The following AGAP1 variants were observed in gnomAD, a reference collection of about 807,000 sequenced individuals.
AGAP1 encodes ArfGAP with GTPase domain, ankyrin repeat and PH domain 1.
A neutral mutation model predicts 105.3 loss-of-function variants in AGAP1; 29 were observed. The ratio of observed to expected loss-of-function variants is 0.28; its 90% CI spans 0.21 to 0.38. AGAP1 has a LOEUF of 0.38. Ranked by LOEUF, AGAP1 falls within the 10% of genes least tolerant of loss-of-function variation. AGAP1 has a pLI of 1.00. For synonymous variants in AGAP1, 509 were observed against 485.9 expected (o/e 1.05, Z -0.63); for missense variants, 998 against 1,165.1 (o/e 0.86, Z 2.09).
At chr2:235,698,000 T>C (rs1950074567) in intron 1 of AGAP1, among the ~76,000 whole-genome samples, 1 of 152,182 alleles carries the variant, frequency 6.6e-6, no homozygotes, top group African/African-American at 2.4e-5. Context: ...CCAAGCTTTT[T>C]TGGCACCAGT....
chr2:235,794,168 G>A (rs1957131246), intron 6 of AGAP1, among the ~76,000 whole-genome samples: 1 of 152,068 alleles, frequency 6.6e-6, no homozygotes. Context: ...TTTATACAAT[G>A]TACACACACA....
At chr2:235,730,818 T>C (rs1370287260) in intron 3 of AGAP1, among the ~76,000 whole-genome samples, 1 of 152,166 alleles carries the variant, frequency 6.6e-6, no homozygotes, top group Non-Finnish European at 1.5e-5. Flanking sequence ...AGATTTTCAA[T>C]CAATAGTTTA....
At chr2:235,669,023 T>C (rs1948226205) in intron 1 of AGAP1, among the ~76,000 whole-genome samples, 1 of 152,152 alleles carries the variant, frequency 6.6e-6, no homozygotes, top group African/African-American at 2.4e-5. Flanking sequence ...AAAATAACCC[T>C]ACAAGATTAT....
At chr2:235,685,780 T>C (rs528481686) in intron 1 of AGAP1, among the ~76,000 whole-genome samples, 28 of 152,236 alleles carry the variant, frequency 1.8e-4, no homozygotes, top group African/African-American at 6.7e-4. Flanking sequence ...AAGTTTACTT[T>C]GCCAAGGTTG....
chr2:235,679,243 A>C (rs1948930274), intron 1 of AGAP1, among the ~76,000 whole-genome samples: 1 of 152,190 alleles, frequency 6.6e-6, no homozygotes, highest in South Asian at 2.1e-4. Flanking sequence ...CAGATATGTC[A>C]CTGTGCAGCC....
chr2:235,963,522 G>T lies in AGAP1; in HGVS notation c.1484-4940G>T, dbSNP rs1057474063. On this transcript the variant is annotated intron_variant, in intron 12 of 17. Transcript: ENST00000304032. The surrounding 1 kb of genome is among the most constrained non-coding windows in gnomAD (Gnocchi z 5.1). The stretch of plus-strand genomic sequence containing the variant: ...GTTGTCAAAAATACGTGTGAGTTGG[G>T]TACCATATAGCCCTCAGCAGAGTAT... 6.6e-6 allele frequency among the ~76,000 whole-genome samples: 1 copy of T among 152,174 alleles called. No individual in the cohort carries two copies. The highest frequency in any genetic ancestry group is 3.2e-3 in the Middle Eastern group (1 of 316).
At position 235,612,205 on chromosome 2, in the gene AGAP1, C is replaced by G. The variant is rs1463774493; in HGVS notation, c.164-96974C>G. ...AGGTAACCTGCTGCTTGGGTGTACG[C>G]TGGGCGGGTTCGCAGTGCTGGAAGA... is the stretch of plus-strand genomic sequence containing the variant. On this transcript the variant is annotated intron_variant, in intron 1 of 17. Coordinates refer to ENST00000304032, the MANE Select transcript of AGAP1 (RefSeq NM_001037131.3). This position sits in a 1 kb window ranked among gnomAD's most constrained non-coding sequence, Gnocchi z 4.3. Among the ~76,000 whole-genome samples the G allele has an allele frequency of 6.6e-6, 1 of 152,120 alleles. No homozygotes were observed. Among genetic ancestry groups the G allele is most frequent in the Non-Finnish European group, 1.5e-5 (1 of 68,040 alleles).
At chr2:235,806,183 A>G (rs912850196) in intron 8 of AGAP1, among the ~76,000 whole-genome samples, 25 of 152,162 alleles carry the variant, frequency 1.6e-4, no homozygotes, top group Admixed American at 1.5e-3. Flanking sequence ...TTAGCTTTTC[A>G]TTGTAGCAGT....
At chr2:235,604,548 G>A (rs1375858901) in intron 1 of AGAP1, among the ~76,000 whole-genome samples, 4 of 139,982 alleles carry the variant, frequency 2.9e-5, no homozygotes, top group South Asian at 2.3e-4. Flanking sequence ...TTGCACATTC[G>A]TGTTTCTTTT....
chr2:235,906,696 G>T lies in AGAP1; in HGVS notation c.1156-2042G>T, dbSNP rs560279343. Among the ~76,000 whole-genome samples, 1 of 150,372 alleles carries T rather than the reference G, an allele frequency of 6.7e-6. No homozygotes were observed. The highest frequency in any genetic ancestry group is 1.9e-4 in the East Asian group (1 of 5,172). On this transcript the variant is annotated intron_variant, in intron 10 of 17. Coordinates refer to ENST00000304032, the MANE Select transcript of AGAP1 (RefSeq NM_001037131.3). This position sits in a 1 kb window ranked among gnomAD's most constrained non-coding sequence, Gnocchi z 5.3. ...GGCTCACCCACCTGACCATGGTTGG[G>T]CAGGGAGAAAACAGCTCTTCTCATC...
intron 1 of AGAP1, among the ~76,000 whole-genome samples, chr2:235,654,522 G>A (rs766329862): frequency 4.6e-5 from 7 of 152,302 alleles, no homozygotes; most frequent in East Asian, 1.9e-4. Context: ...CATTGCTGTC[G>A]CAGTGTAGTA....
chr2:235,799,408 C>T lies in AGAP1; in HGVS notation c.843C>T (p.Ser281=), dbSNP rs760425326. Residue 281 remains serine (S), a synonymous_variant, in exon 8 of 18, where the codon TCC becomes TCT. Transcript: ENST00000304032. This position sits in a 1 kb window ranked among gnomAD's most constrained non-coding sequence, Gnocchi z 5.0. The part of the protein sequence containing the change: ...GGGSLSDYSS[S]VPSTPSTSQK... ...GGAGTTTAAGCGACTATTCCTCCTC[C>T]GTTCCATCGACTCCCAGCACCAGCC... 3.7e-6 allele frequency: 6 copies of T among 1,614,000 alleles called. No homozygotes were observed. Among genetic ancestry groups the T allele is most frequent in the African/African-American group, 1.3e-5 (1 of 74,892 alleles).
intron 16 of AGAP1, among the ~76,000 whole-genome samples, chr2:236,075,246 C>T (rs558681918): frequency 1.1e-4 from 17 of 151,952 alleles, no homozygotes; most frequent in East Asian, 3.9e-4. Flanking sequence ...GATGGTTGCG[C>T]GCTGGGTTTT....
At chr2:235,899,542 C>G (rs1006045994) in intron 10 of AGAP1, among the ~76,000 whole-genome samples, 1 of 152,112 alleles carries the variant, frequency 6.6e-6, no homozygotes, top group Admixed American at 6.6e-5. Flanking sequence ...TTTGTTTTAG[C>G]GCTGCACATT....
chr2:235,679,684 A>G (rs1440410321), intron 1 of AGAP1, among the ~76,000 whole-genome samples: 1 of 152,194 alleles, frequency 6.6e-6, no homozygotes, highest in Admixed American at 6.5e-5. Flanking sequence ...CTGCGTCCCA[A>G]CATCACCTTT....
At chr2:235,686,624 T>TAGATATAG (rs1559350471) in intron 1 of AGAP1, among the ~76,000 whole-genome samples, 1 of 33,324 alleles carries the variant, frequency 3.0e-5, no homozygotes, top group Non-Finnish European at 5.9e-5. Flanking sequence ...GATATAGATA[T>TAGATATAG]ATATATATAT....
rs1273221783 is a variant in AGAP1, at chr2:235,919,845, C to T, written c.1325-10920C>T. Among the ~76,000 whole-genome samples the T allele has an allele frequency of 2.0e-5, 3 of 152,178 alleles. No individual in the cohort carries two copies. The highest frequency in any genetic ancestry group is 4.4e-5 in the Non-Finnish European group (3 of 68,038). ...CTTCTCCGTCTTCACAATGCTTACACCCCTCATCCTCGCTGTTGCATCAGC... is the reference window on the plus strand; with the variant it reads ...CTTCTCCGTCTTCACAATGCTTACATCCCTCATCCTCGCTGTTGCATCAGC... On this transcript the variant is annotated intron_variant, in intron 11 of 17. Coordinates refer to ENST00000304032, the MANE Select transcript of AGAP1 (RefSeq NM_001037131.3). The surrounding 1 kb of genome is among the most constrained non-coding windows in gnomAD (Gnocchi z 4.1).
Position 235,724,714 on chromosome 2 carries a change from C to A in AGAP1, c.310+7070C>A, listed in dbSNP as rs1269344973. On this transcript the variant is annotated intron_variant, in intron 3 of 17. Transcript: ENST00000304032. This position sits in a 1 kb window ranked among gnomAD's most constrained non-coding sequence, Gnocchi z 4.9. ...TACCAGGTGCTAAGAGTAATTATAA[C>A]TACCAGGTAAGGACCAGTGAGAAAC... Among the ~76,000 whole-genome samples the A allele has an allele frequency of 6.6e-6, 1 of 152,206 alleles. No homozygotes were observed. The highest frequency in any genetic ancestry group is 2.4e-5 in the African/African-American group (1 of 41,454).
At position 236,078,037 on chromosome 2, in the gene AGAP1, T is replaced by TTGTGTGTGTGTGTGTGTG. The variant is rs9287595; in HGVS notation, c.2114+28776_2114+28793dup. Among the ~76,000 whole-genome samples the TTGTGTGTGTGTGTGTGTG allele has an allele frequency of 1.4e-5, 2 of 140,414 alleles. No individual in the cohort carries two copies. The highest frequency in any genetic ancestry group is 2.7e-5 in the African/African-American group (1 of 37,648). The allele number at this position is 140,414 out of a possible 152,430, so 92.1% of individuals were successfully genotyped here. On this transcript the variant is annotated intron_variant, in intron 16 of 17. Coordinates refer to ENST00000304032, the MANE Select transcript of AGAP1 (RefSeq NM_001037131.3). This position sits in a 1 kb window ranked among gnomAD's most constrained non-coding sequence, Gnocchi z 5.3. ...AGGGTTCTCCAGAGAAACAACCAAT[T>TTGTGTGTGTGTGTGTGTG]TGTGTGTGTGTGTGTGTGTGTGTGT...
Sources: allele counts gnomAD v4.1 joint callset (sites outside exome capture counted in the v4.1 genomes callset), GRCh38; gene constraint gnomAD v4.1.1; non-coding constraint Gnocchi (gnomAD v3.1); transcripts MANE v1.5; gene names NCBI Gene and HGNC (gene_info 2026-07-23, HGNC 2026-07-21).